SPTBN4: variants seen among roughly 807,000 people sequenced by gnomAD.
The protein encoded by SPTBN4 is spectrin beta, non-erythrocytic 4.
Under a neutral mutation model 277.8 loss-of-function variants are expected in SPTBN4, and 96 were observed. The observed-to-expected ratio is 0.35, with a 90% CI of 0.29 to 0.41. The LOEUF (loss-of-function observed/expected upper bound fraction) is 0.41. Ranked by LOEUF, SPTBN4 falls within the 10% of genes least tolerant of loss-of-function variation. SPTBN4 has a pLI of 1.00. For synonymous variants in SPTBN4, 1,481 were observed against 1,580.3 expected, an observed-to-expected ratio of 0.94 and a Z score of 1.49; for missense variants, 3,006 against 3,595.7, an observed-to-expected ratio of 0.84 and a Z score of 4.19.
rs758978457 is a variant in SPTBN4 at position 40,532,775 on chromosome 19, AG to A, written c.4095+6del. Reference sequence around the variant, plus strand: ...GTGGCTGGAGAAGATCGAGCGGGTGAGGAAGCTGATGGCCCCTCTGCCTGTG... The same window carrying A: ...GTGGCTGGAGAAGATCGAGCGGGTGAGAAGCTGATGGCCCCTCTGCCTGTG... On this transcript the variant is annotated splice_donor_5th_base_variant and intron_variant, in intron 19 of 35. Coordinates refer to ENST00000598249, the MANE Select transcript of SPTBN4 (RefSeq NM_020971.3). 6.2e-7 allele frequency: 1 copy of A among 1,608,070 alleles called. No homozygotes were observed. The highest frequency in any genetic ancestry group is 1.3e-5 in the African/African-American group (1 of 74,770).
At chr19:40,506,898 C>T (rs2080337154) in intron 13 of SPTBN4, among the ~76,000 whole-genome samples, 1 of 152,088 alleles carries the variant, frequency 6.6e-6, no homozygotes, top group African/African-American at 2.4e-5. Flanking sequence ...GCAGGAGGCT[C>T]ACTTGAGGCC....
intron 20 of SPTBN4, among the ~76,000 whole-genome samples, chr19:40,536,674 C>T (rs980363049): frequency 6.6e-6 from 1 of 152,168 alleles, no homozygotes; most frequent in East Asian, 1.9e-4. Context: ...CGAGGCCAGG[C>T]ATAATGGCTC....
rs780767423 is a variant in SPTBN4 at position 40,534,290 on chromosome 19, G to A, written c.4306G>A (p.Val1436Met). ...LLHMESQLQD[V>M]DPGGDLATVN... ...TCACATGGAGAGCCAGCTGCAAGAC[G>A]TGGACCCTGGAGGAGACCTGGCCAC... Residue 1436 changes from valine to methionine, a missense_variant, in exon 20 of 36, where the codon GTG becomes ATG. Physicochemically the swap from Val to Met is conservative, Grantham distance 21. This residue lies in a region of SPTBN4 where 1,759 missense variants were observed against 2,061.5 expected (regional missense o/e 0.85). Coordinates refer to ENST00000598249, the MANE Select transcript of SPTBN4 (RefSeq NM_020971.3). 51 of 1,614,056 alleles carry A rather than the reference G, an allele frequency of 3.2e-5. No individual in the cohort carries two copies. The highest frequency in any genetic ancestry group is 4.1e-5 in the Non-Finnish European group (48 of 1,180,046).
In SPTBN4 at chr19:40,554,125, T is replaced by G. The variant is rs1037353840; in HGVS notation, c.4675-22T>G. ...TCGGAACGCCCCCTCTCCACCCACA[T>G]CCCCTTACCTCCTGCCCCCAGGGCC... On this transcript the variant is annotated intron_variant, in intron 22 of 35. Transcript: ENST00000598249. The surrounding 1 kb of genome is among the most constrained non-coding windows in gnomAD (Gnocchi z 5.7). 7.0e-7 allele frequency: 1 copy of G among 1,422,110 alleles called. No homozygotes were observed. Among genetic ancestry groups the G allele is most frequent in the Admixed American group, 3.2e-5 (1 of 31,184 alleles). 88.1% of individuals were successfully genotyped at this position (1,422,110 alleles called of 1,614,324 possible). A position where few individuals can be genotyped will look rare whatever the true frequency, so the allele number is the denominator to read the frequency against.
rs1425384369 is a variant in SPTBN4 at position 40,515,941 on chromosome 19, ACG to A, written c.2903+494_2903+495del. On this transcript the variant is annotated intron_variant, in intron 15 of 35. Transcript: ENST00000598249. This position sits in a 1 kb window ranked among gnomAD's most constrained non-coding sequence, Gnocchi z 4.1. ...CACACATATATATACACACATATAT[ACG>A]TATATATACACATATATACGTATAT... 1.4e-5 allele frequency among the ~76,000 whole-genome samples: 1 copy of A among 73,686 alleles called. No homozygotes were observed. Among genetic ancestry groups the A allele is most frequent in the Non-Finnish European group, 3.0e-5 (1 of 32,984 alleles). The allele number at this position is 73,686 out of a possible 152,430, so 48.3% of individuals were successfully genotyped here.
chr19:40,532,834 C>A (rs2080693711), intron 19 of SPTBN4, 63 bp downstream of exon 19: 1 of 1,528,714 alleles, frequency 6.5e-7, no homozygotes, highest in African/African-American at 1.4e-5. Context: ...GAGCCCACGT[C>A]TCACCTGCTG....
At chr19:40,494,343 CTTCT>C (rs2080170926) in intron 5 of SPTBN4, among the ~76,000 whole-genome samples, 1 of 150,560 alleles carries the variant, frequency 6.6e-6, no homozygotes, top group Non-Finnish European at 1.5e-5. Flanking sequence ...CTCTTCATGT[CTTCT>C]TTCTCTCTCC....
chr19:40,545,532 G>A (rs1461792780), intron 20 of SPTBN4, among the ~76,000 whole-genome samples: 1 of 152,180 alleles, frequency 6.6e-6, no homozygotes, highest in Non-Finnish European at 1.5e-5. Flanking sequence ...ACTGACAGTG[G>A]CTGAGTGTGC....
At chr19:40,489,982 C>G in intron 3 of SPTBN4, 93 bp from the exon 4 acceptor site, 1 of 1,366,356 alleles carries the variant, frequency 7.3e-7, no homozygotes, top group Non-Finnish European at 9.7e-7. Context: ...GGCGTGGCCA[C>G]GGGAGGCGGG....
intron 26 of SPTBN4, 86 bp downstream of exon 26, chr19:40,557,489 G>C (rs920901713): frequency 4.1e-6 from 6 of 1,466,192 alleles, no homozygotes; most frequent in Non-Finnish European, 5.4e-6. Flanking sequence ...CTGTGGAGCA[G>C]GTCGAAATTA....
In SPTBN4 at chr19:40,513,553, C is replaced by A. The variant is rs766530773; in HGVS notation, c.2764C>A (p.Arg922=). The change falls in exon 14 of 36, where the codon CGA becomes AGA. Residue 922 remains arginine (R), a splice_region_variant and synonymous_variant. Transcript: ENST00000598249. ...SLDDVEVVQH[R]FESLDQEMNS... Reference sequence around the variant, plus strand: ...CGACGACGTCGAGGTGGTGCAGCACCGGTGAGCGCGCACATGTGGGACTCC... The same window carrying A: ...CGACGACGTCGAGGTGGTGCAGCACAGGTGAGCGCGCACATGTGGGACTCC... 1.9e-6 allele frequency: 3 copies of A among 1,563,300 alleles called. No homozygotes were observed. Among genetic ancestry groups the A allele is most frequent in the African/African-American group, 1.4e-5 (1 of 73,766 alleles).
intron 15 of SPTBN4, among the ~76,000 whole-genome samples, chr19:40,516,070 G>GTATATA (rs59475372): frequency 3.0e-5 from 4 of 133,124 alleles, no homozygotes; most frequent in African/African-American, 5.9e-5. Flanking sequence ...CTATATATAT[G>GTATATA]TATATATATA....
At chr19:40,470,847 G>A (rs2145794965) in intron 1 of SPTBN4, among the ~76,000 whole-genome samples, 1 of 149,914 alleles carries the variant, frequency 6.7e-6, no homozygotes, top group African/African-American at 2.5e-5. Context: ...TGGCCAGGCT[G>A]GTCTCGAACT....
At chr19:40,546,253 AG>A (rs1203027159) in intron 20 of SPTBN4, among the ~76,000 whole-genome samples, 3 of 151,742 alleles carry the variant, frequency 2.0e-5, no homozygotes, top group African/African-American at 7.3e-5. Context: ...AAAGAAAGAA[AG>A]AAAAGAAAAA....
chr19:40,555,356 T>C (rs2080965225), intron 24 of SPTBN4: 2 of 151,868 alleles, frequency 1.3e-5, no homozygotes. Flanking sequence ...CTGGGCATGG[T>C]GGCACGTGCC....
rs964428265 is a variant in SPTBN4 at position 40,510,859 on chromosome 19, G to GA, written c.1817-1739dup. Reference sequence around the variant, plus strand: ...AGACTCTATTTCTACAAGAAACTTAGAAAAAAAATTAGCCAGGCATGGTGT... The same window carrying GA: ...AGACTCTATTTCTACAAGAAACTTAGAAAAAAAAATTAGCCAGGCATGGTGT... On this transcript the variant is annotated intron_variant, in intron 13 of 35. Transcript: ENST00000598249. Among the ~76,000 whole-genome samples the GA allele has an allele frequency of 7.3e-5, 11 of 151,716 alleles. No homozygotes were observed. The East Asian group carries it at 1.2e-3, about 16-fold the overall frequency.
At position 40,529,058 on chromosome 19, in the gene SPTBN4, T is replaced by C. The variant is rs1946331837; in HGVS notation, c.3875T>C (p.Leu1292Ser). ...RLLEKNQENQ[L>S]RAQQWMQKLH... is the part of the protein sequence containing the mutation. ...ATCCCCAGGAACCAAGAAAACCAGT[T>C]ACGGGCCCAGCAATGGATGCAAAAG... is the stretch of plus-strand genomic sequence containing the variant. The change falls in exon 18 of 36, where the codon TTA becomes TCA. Residue 1292 changes from leucine (L) to serine (S), a missense_variant. Coordinates refer to ENST00000598249, the MANE Select transcript of SPTBN4 (RefSeq NM_020971.3). The C allele has an allele frequency of 6.2e-7, 1 of 1,613,864 alleles. No homozygotes were observed. The highest frequency in any genetic ancestry group is 1.3e-5 in the African/African-American group (1 of 74,882).
chr19:40,489,407 AC>A (rs2145827086), intron 3 of SPTBN4, among the ~76,000 whole-genome samples: 1 of 151,788 alleles, frequency 6.6e-6, no homozygotes, highest in African/African-American at 2.4e-5. Context: ...TTTGTTTGAA[AC>A]GAAGTCTCGC....
intron 32 of SPTBN4, among the ~76,000 whole-genome samples, chr19:40,569,981 C>G (rs1298616782): frequency 2.1e-5 from 3 of 146,126 alleles, no homozygotes; most frequent in African/African-American, 7.8e-5. Context: ...CACAGACACA[C>G]ACACACAGAC....
Sources: gnomAD v4.1 joint callset for allele counts (sites outside exome capture counted in the v4.1 genomes callset) on GRCh38, gnomAD v4.1.1 for gene constraint, gnomAD v4.1.1 regional missense constraint, Gnocchi (gnomAD v3.1) non-coding constraint, MANE v1.5 for transcripts, NCBI Gene and HGNC (gene_info 2026-07-23, HGNC 2026-07-21) for gene names.